Variants in PIK3R1 observed in about 807,000 individuals in gnomAD.
PIK3R1 encodes the protein phosphatidylinositol 3-kinase regulatory subunit alpha.
A neutral mutation model predicts 98.0 loss-of-function variants in PIK3R1; 29 were observed. The ratio of observed to expected loss-of-function variants is 0.30; its 90% CI spans 0.22 to 0.40. The LOEUF (loss-of-function observed/expected upper bound fraction) is 0.40, where lower values mean the gene tolerates loss of function less well. Ranked by LOEUF, PIK3R1 falls within the 10% of genes least tolerant of loss-of-function variation. The pLI is 1.00. For synonymous variants in PIK3R1, 282 were observed against 311.8 expected (o/e 0.90, Z 1.01); for missense variants, 596 against 872.7 (o/e 0.68, Z 3.99).
intron 6 of PIK3R1, 93 bp from the exon 7 acceptor site, chr5:68,280,834 C>T: frequency 8.1e-7 from 1 of 1,237,776 alleles, no homozygotes. Flanking sequence ...GATGCATGTG[C>T]AGATGCTATC....
chr5:68,223,845 C>T (rs1002820969), intron 1 of PIK3R1, among the ~76,000 whole-genome samples: 3 of 152,184 alleles, frequency 2.0e-5, no homozygotes, highest in Admixed American at 6.5e-5. Context: ...ATACAGAGCC[C>T]CCTGGCAAGG....
intron 7 of PIK3R1, among the ~76,000 whole-genome samples, chr5:68,287,506 T>G (rs796372793): frequency 2.0e-5 from 3 of 152,210 alleles, no homozygotes; most frequent in Admixed American, 6.5e-5. Flanking sequence ...TAAATTACTT[T>G]CTGGTGTAAA....
chr5:68,288,818 T>C, intron 7 of PIK3R1: 1 of 1,534,056 alleles, frequency 6.5e-7, no homozygotes, highest in Non-Finnish European at 9.0e-7. Flanking sequence ...GTAGTTTGTC[T>C]TGGAGTACGT....
intron 4 of PIK3R1, among the ~76,000 whole-genome samples, chr5:68,274,299 G>A (rs1342321483): frequency 1.3e-5 from 2 of 152,092 alleles, no homozygotes; most frequent in African/African-American, 4.8e-5. Flanking sequence ...CCACCTCTTG[G>A]TGTTTCTCTC....
At chr5:68,278,093 C>T (rs943493796) in intron 4 of PIK3R1, among the ~76,000 whole-genome samples, 3 of 151,994 alleles carry the variant, frequency 2.0e-5, no homozygotes, top group African/African-American at 7.3e-5. Context: ...GCATCCCTTT[C>T]TTCTGCTGGG....
intron 4 of PIK3R1, among the ~76,000 whole-genome samples, chr5:68,274,886 C>T (rs991272289): frequency 2.0e-5 from 3 of 152,176 alleles, no homozygotes; most frequent in Non-Finnish European, 4.4e-5. Flanking sequence ...TACTGCCTCA[C>T]ATCATTTTAA....
At chr5:68,286,618 C>T (rs1453950525) in intron 7 of PIK3R1, among the ~76,000 whole-genome samples, 2 of 152,194 alleles carry the variant, frequency 1.3e-5, no homozygotes, top group Non-Finnish European at 2.9e-5. Flanking sequence ...AATAGGACCT[C>T]TTTGGTAGAT....
rs1747941706 is a variant in PIK3R1, at chr5:68,299,861, TCTGACCATTTCCCTCTCATCGCCAGACAA to T, written c.*2266_*2294del. 1 of 233,124 alleles carries T rather than the reference TCTGACCATTTCCCTCTCATCGCCAGACAA, an allele frequency of 4.3e-6. No individual in the cohort carries two copies. Among genetic ancestry groups the T allele is most frequent in the Non-Finnish European group, 8.5e-6 (1 of 118,026 alleles). The allele number at this position is 233,124 out of a possible 1,614,324, so 14.4% of individuals were successfully genotyped here. ...TAGCCCTCAAACTTGACTCTACTGA[TCTGACCATTTCCCTCTCATCGCCAGACAA>T]CTGACGATTTCCCTGGTTTTAGTCT... On this transcript the variant is annotated 3_prime_UTR_variant, in exon 16 of 16. Coordinates refer to ENST00000521381, the MANE Select transcript of PIK3R1 (RefSeq NM_181523.3).
chr5:68,265,179 C>T (rs1259587419), intron 2 of PIK3R1, among the ~76,000 whole-genome samples: 1 of 152,012 alleles, frequency 6.6e-6, no homozygotes, highest in Non-Finnish European at 1.5e-5. Context: ...ACCCCGACCT[C>T]CTGAATCAGG....
In PIK3R1 at chr5:68,300,892, G is replaced by A. The variant is rs1357561205; in HGVS notation, c.*3291G>A. 4.3e-6 allele frequency: 1 copy of A among 233,182 alleles called. No individual in the cohort carries two copies. Among genetic ancestry groups the A allele is most frequent in the Non-Finnish European group, 8.5e-6 (1 of 118,004 alleles). 14.4% of individuals were successfully genotyped at this position (233,182 alleles called of 1,614,324 possible). Reference sequence around the variant, plus strand: ...ACTCCTTTTAGGGAGCTGGTCTGATGACTTGCTTAGCTTGGAAATCCTTGT... The same window carrying A: ...ACTCCTTTTAGGGAGCTGGTCTGATAACTTGCTTAGCTTGGAAATCCTTGT... On this transcript the variant is annotated 3_prime_UTR_variant, in exon 16 of 16. Coordinates refer to ENST00000521381, the MANE Select transcript of PIK3R1 (RefSeq NM_181523.3).
At chr5:68,239,537 C>A (rs911833843) in intron 2 of PIK3R1, among the ~76,000 whole-genome samples, 21 of 152,118 alleles carry the variant, frequency 1.4e-4, no homozygotes, top group African/African-American at 4.8e-4. Context: ...GTGACACTGG[C>A]CTTATTATAC....
intron 4 of PIK3R1, among the ~76,000 whole-genome samples, chr5:68,277,060 G>A (rs1746598811): frequency 6.6e-6 from 1 of 152,178 alleles, no homozygotes; most frequent in Admixed American, 6.5e-5. Context: ...CTGAGGGAGG[G>A]ATGTGTGCAT....
In PIK3R1 at chr5:68,280,573, T is replaced by G. The variant is rs766492925; in HGVS notation, c.680T>G (p.Ile227Ser). The part of the protein sequence containing the change: ...EEYIQLLKKL[I>S]RSPSIPHQYW... ...TATATTCAGCTATTGAAGAAGCTTATTAGGTCGCCTAGCATACCTCATCAG... is the reference window on the plus strand; with the variant it reads ...TATATTCAGCTATTGAAGAAGCTTAGTAGGTCGCCTAGCATACCTCATCAG... Residue 227 changes from isoleucine to serine, a missense_variant, in exon 6 of 16, where the codon ATT (isoleucine) becomes AGT (serine). Ile to Ser is a moderately radical substitution (Grantham distance 142, BLOSUM62 -2). This residue lies in a region of PIK3R1 where 352 missense variants were observed against 393.3 expected (regional missense o/e 0.90). Transcript: ENST00000521381. 8.1e-6 allele frequency: 13 copies of G among 1,613,136 alleles called. No homozygotes were observed. In the African/African-American group the frequency reaches 1.6e-4, roughly 20 times the overall value.
At chr5:68,288,363 C>T in intron 7 of PIK3R1, 1 of 1,044,528 alleles carries the variant, frequency 9.6e-7, no homozygotes, top group Non-Finnish European at 1.2e-6. Context: ...AATCATGAAG[C>T]TGCGATCTTT....
chr5:68,291,344 CCATTATTGTTAGTCTTTG>C (rs1561295897), intron 7 of PIK3R1: 1 of 152,116 alleles, frequency 6.6e-6, no homozygotes, highest in African/African-American at 2.4e-5. Flanking sequence ...AGTTGACTTT[CCATTATTGTTAGTCTTTG>C]TAAAATATTC....
chr5:68,227,619 T>G (rs979685250), intron 2 of PIK3R1, among the ~76,000 whole-genome samples: 5 of 152,032 alleles, frequency 3.3e-5, no homozygotes, highest in Admixed American at 1.3e-4. Flanking sequence ...ATGTAGAGAG[T>G]AATAAAATGA....
chr5:68,238,520 A>T lies in PIK3R1; in HGVS notation c.334+11511A>T, dbSNP rs541274829. 2.0e-4 allele frequency among the ~76,000 whole-genome samples: 30 copies of T among 152,316 alleles called. 2 individuals carry two copies. The South Asian group carries it at 6.0e-3, about 30-fold the overall frequency. On this transcript the variant is annotated intron_variant, in intron 2 of 15. Transcript: ENST00000521381. ...CAGAAAGTAGTCAGGCGGTTATGAG[A>T]TGAAAAGACAGTAAGATGGGATGAA...
At chr5:68,246,393 A>G (rs1355993842) in intron 2 of PIK3R1, among the ~76,000 whole-genome samples, 1 of 151,020 alleles carries the variant, frequency 6.6e-6, no homozygotes, top group Non-Finnish European at 1.5e-5. Flanking sequence ...GCTCGCTGCA[A>G]CTTCTGCCTC....
At chr5:68,272,095 A>G (rs553609824) in intron 2 of PIK3R1, among the ~76,000 whole-genome samples, 272 of 151,888 alleles carry the variant, frequency 1.8e-3, no homozygotes, top group Non-Finnish European at 3.1e-3. Context: ...TACTAAAAAT[A>G]TACAAAAAAT....
Sources: gnomAD v4.1 joint callset for allele counts (sites outside exome capture counted in the v4.1 genomes callset) on GRCh38, gnomAD v4.1.1 for gene constraint, gnomAD v4.1.1 regional missense constraint, MANE v1.5 for transcripts, NCBI Gene and HGNC (gene_info 2026-07-23, HGNC 2026-07-21) for gene names.